The following DGKQ variants were observed in gnomAD, a reference collection of about 807,000 sequenced individuals.
DGKQ encodes DAG kinase theta.
Under a neutral mutation model 104.2 loss-of-function variants are expected in DGKQ, and 97 were observed. That is an observed-to-expected ratio of 0.93 (90% CI 0.79 to 1.10). The LOEUF (loss-of-function observed/expected upper bound fraction) is 1.10, where lower values mean the gene tolerates loss of function less well. Ranked by LOEUF, DGKQ falls within the 50% of genes least tolerant of loss-of-function variation. The pLI, the probability that DGKQ is intolerant of heterozygous loss-of-function variation, is 0.00. For missense variants in DGKQ, 1,465 were observed against 1,352.1 expected (o/e 1.08, Z -1.31); for synonymous variants, 736 against 595.2 (o/e 1.24, Z -3.44).
chr4:970,232 GC>G (rs1173014715), intron 2 of DGKQ, among the ~76,000 whole-genome samples: 11 of 152,262 alleles, frequency 7.2e-5, no homozygotes, highest in Non-Finnish European at 1.3e-4. Flanking sequence ...CCGTCCTGCT[GC>G]ACACCCGGGC....
intron 12 of DGKQ, 23 bp from the exon 13 acceptor site, chr4:966,101 G>A (rs1312278384): frequency 1.3e-6 from 2 of 1,580,938 alleles, no homozygotes; most frequent in South Asian, 1.1e-5. Context: ...GGGCGGGGAT[G>A]CTGGGCCGGG....
At chr4:962,955 CG>C in intron 16 of DGKQ, 35 bp from the exon 17 acceptor site, 1 of 1,582,154 alleles carries the variant, frequency 6.3e-7, no homozygotes, top group Non-Finnish European at 8.6e-7. Context: ...CTACCAGCTG[CG>C]GGCGCAGCCC....
chr4:967,274 C>T lies in DGKQ; in HGVS notation c.1075G>A (p.Ala359Thr), dbSNP rs773882521. The T allele has an allele frequency of 1.4e-4, 211 of 1,550,434 alleles. No individual in the cohort carries two copies. Among genetic ancestry groups the T allele is most frequent in the Middle Eastern group, 1.7e-4 (1 of 5,996 alleles). ...RLPPSSQACD[A>T]WAGGKAGSAV... ...CTCCCAGCCTTGCCCCCAGCCCAGG[C>T]GTCACAGGCCTGAGAGGAAGGGGGC... Residue 359 changes from alanine to threonine, a missense_variant, in exon 9 of 23, where the codon GCC becomes ACC. Transcript: ENST00000273814.
Position 967,032 on chromosome 4 carries a change from C to G in DGKQ, c.1243G>C (p.Val415Leu), listed in dbSNP as rs373584237. The G allele has an allele frequency of 3.8e-6, 6 of 1,562,072 alleles. No homozygotes were observed. The highest frequency in any genetic ancestry group is 3.7e-5 in the Admixed American group (2 of 53,408). The change falls in exon 10 of 23, where the codon GTG becomes CTG. Residue 415 changes from valine (V) to leucine (L), a missense_variant. By Grantham distance (32) the Val-to-Leu change is conservative. Transcript: ENST00000273814. ...GCCGTGCTCTTCGGGGTCACTCGCACGGACACGTAGGCCACGCCCACCCTG... is the reference window on the plus strand; with the variant it reads ...GCCGTGCTCTTCGGGGTCACTCGCAGGGACACGTAGGCCACGCCCACCCTG... Reference protein sequence around the residue: ...WLKVGVAYVSVRVTPKSTARS... With the variant: ...WLKVGVAYVSLRVTPKSTARS...
intron 5 of DGKQ, 24 bp downstream of exon 5, chr4:968,258 C>A (rs1371961349): frequency 2.2e-6 from 3 of 1,340,616 alleles, no homozygotes; most frequent in Admixed American, 2.4e-5. Context: ...CCCACCCCCA[C>A]CCCCTCGACT....
chr4:967,789 G>A lies in DGKQ; in HGVS notation c.825C>T (p.Asp275=), dbSNP rs1447134008. 5.0e-6 allele frequency: 8 copies of A among 1,602,930 alleles called. No individual in the cohort carries two copies. Among genetic ancestry groups the A allele is most frequent in the South Asian group, 3.3e-5 (3 of 90,024 alleles). The change falls in exon 7 of 23, where the codon GAC becomes GAT. Residue 275 remains aspartate (D), a synonymous_variant. Transcript: ENST00000273814. The stretch of plus-strand genomic sequence containing the variant: ...CCACGGCAGCGCTCCCGTCGGCGCC[G>A]TCGCCCCCCTCGCCTGCGGGTCGGG... ...VEAAEPGEGG[D]GADGSAAVGP... is the part of the protein sequence containing the mutation.
At chr4:962,662 C>CAGCT in intron 17 of DGKQ, 49 bp from the exon 18 acceptor site, 1 of 1,592,214 alleles carries the variant, frequency 6.3e-7, no homozygotes, top group Non-Finnish European at 8.5e-7. Context: ...ACCCGCCCAT[C>CAGCT]AGCTGGGTGC....
intron 11 of DGKQ, 28 bp downstream of exon 11, chr4:966,720 C>T (rs371999970): frequency 2.5e-6 from 4 of 1,596,956 alleles, no homozygotes; most frequent in Non-Finnish European, 3.4e-6. Context: ...GCAGGGACCG[C>T]CACGCCCAGC....
At chr4:968,737 G>T in intron 3 of DGKQ, 74 bp downstream of exon 3, 1 of 1,430,494 alleles carries the variant, frequency 7.0e-7, no homozygotes, top group Non-Finnish European at 9.6e-7. Flanking sequence ...AAGCTGCACA[G>T]CAGGGGTGGG....
intron 10 of DGKQ, 68 bp from the exon 11 acceptor site, chr4:966,870 G>A: frequency 6.4e-7 from 1 of 1,562,850 alleles, no homozygotes; most frequent in Non-Finnish European, 8.7e-7. Flanking sequence ...CGCGGGGACA[G>A]CCACGCCTGG....
At chr4:965,787 G>C (rs1712267916) in intron 13 of DGKQ, 141 bp downstream of exon 13, 16 of 1,017,628 alleles carry the variant, frequency 1.6e-5, no homozygotes, top group Non-Finnish European at 2.1e-5. Flanking sequence ...GCCTCTTGGA[G>C]GAAGAGACGT....
Position 967,466 on chromosome 4 carries a change from T to C in DGKQ, c.987+83A>G, listed in dbSNP as rs1032455006. On this transcript the variant is annotated intron_variant, in intron 8 of 22. Coordinates refer to ENST00000273814, the MANE Select transcript of DGKQ (RefSeq NM_001347.4). ...GCCAGGTGGGTGAGGGGCGCCAGGT[T>C]GGGGGAGCCAGGTCAGGTGCGCCAG... The C allele has an allele frequency of 2.2e-6, 3 of 1,373,278 alleles. No individual in the cohort carries two copies. The African/African-American group carries it at 5.1e-5, about 23-fold the overall frequency. The allele number at this position is 1,373,278 out of a possible 1,614,324, so 85.1% of individuals were successfully genotyped here.
At chr4:970,323 C>T (rs79252300) in intron 2 of DGKQ, among the ~76,000 whole-genome samples, 49 of 152,342 alleles carry the variant, frequency 3.2e-4, no homozygotes, top group African/African-American at 1.1e-3. Context: ...CTGAAGACGG[C>T]GACGCTGACA....
At position 965,540 on chromosome 4, in the gene DGKQ, A is replaced by G. The variant is rs1712242451; in HGVS notation, c.1580-11T>C. ...CGGACACCACGGTGGCTGCAAAGGC[A>G]GGCTGTGGTCAGGGCGGTGGGAGGC... On this transcript the variant is annotated splice_polypyrimidine_tract_variant and intron_variant, in intron 13 of 22. Coordinates refer to ENST00000273814, the MANE Select transcript of DGKQ (RefSeq NM_001347.4). 1.9e-6 allele frequency: 3 copies of G among 1,611,414 alleles called. No individual in the cohort carries two copies. In the African/African-American group the frequency reaches 4.0e-5, roughly 22 times the overall value.
In DGKQ at chr4:968,566, TG is replaced by T; in HGVS notation, c.452-3del. On this transcript the variant is annotated splice_region_variant and splice_polypyrimidine_tract_variant and intron_variant, in intron 3 of 22. Transcript: ENST00000273814. ...CTGGGTGGAGGTGCAGCTCACACAC[TG>T]GGGGGCAGGCAGGGTTAGAGGTGTC... 3 of 1,605,006 alleles carry T rather than the reference TG, an allele frequency of 1.9e-6. No individual in the cohort carries two copies. Among genetic ancestry groups the T allele is most frequent in the South Asian group, 2.2e-5 (2 of 90,106 alleles).
Position 966,726 on chromosome 4 carries a change from C to T in DGKQ, c.1366+22G>A, listed in dbSNP as rs772267276. 3.1e-6 allele frequency: 5 copies of T among 1,601,324 alleles called. No homozygotes were observed. The Admixed American group carries it at 5.1e-5, about 16-fold the overall frequency. ...CCAAAAGGTGCAGGGACCGCCACGC[C>T]CAGCACGGGCTGTCTACTCACCGTG... On this transcript the variant is annotated intron_variant, in intron 11 of 22. Coordinates refer to ENST00000273814, the MANE Select transcript of DGKQ (RefSeq NM_001347.4).
rs907898426 is a variant in DGKQ at position 965,539 on chromosome 4, C to T, written c.1580-10G>A. The T allele has an allele frequency of 1.2e-6, 2 of 1,611,548 alleles. No individual in the cohort carries two copies. The highest frequency in any genetic ancestry group is 1.3e-5 in the African/African-American group (1 of 75,042). ...ACGGACACCACGGTGGCTGCAAAGG[C>T]AGGCTGTGGTCAGGGCGGTGGGAGG... On this transcript the variant is annotated splice_polypyrimidine_tract_variant and intron_variant, in intron 13 of 22. Coordinates refer to ENST00000273814, the MANE Select transcript of DGKQ (RefSeq NM_001347.4).
chr4:960,967 A>G (rs1026244338), intron 22 of DGKQ, 82 bp downstream of exon 22: 2 of 1,566,292 alleles, frequency 1.3e-6, no homozygotes, highest in East Asian at 2.3e-5. Context: ...CCATGCCAGC[A>G]CCACCTGGGT....
chr4:968,607 G>A (rs762169699), intron 3 of DGKQ, 43 bp from the exon 4 acceptor site: 4 of 1,541,940 alleles, frequency 2.6e-6, no homozygotes, highest in Non-Finnish European at 3.5e-6. Context: ...GCCCCCGGAG[G>A]ACCCCTGCCT....
Sources: gnomAD v4.1 joint callset for allele counts (sites outside exome capture counted in the v4.1 genomes callset) on GRCh38, gnomAD v4.1.1 for gene constraint, MANE v1.5 for transcripts, NCBI Gene and HGNC (gene_info 2026-07-23, HGNC 2026-07-21) for gene names.